CASKIN1: variants seen among roughly 807,000 people sequenced by gnomAD.
CASKIN1 encodes CASK interacting protein 1.
CASKIN1 carries 42 observed loss-of-function variants against 117.5 expected under a neutral mutation model. That is an observed-to-expected ratio of 0.36 (90% CI 0.28 to 0.46). The LOEUF is 0.46. Among genes scored for constraint, CASKIN1 ranks in the 20% least tolerant of loss-of-function variants. CASKIN1 has a pLI of 1.00. For missense variants in CASKIN1, 2,083 were observed against 2,077.3 expected (o/e 1.00, Z -0.05); for synonymous variants, 1,148 against 961.7 (o/e 1.19, Z -3.59).
rs1293200900 is a variant in CASKIN1 at position 2,180,586 on chromosome 16, T to C, written c.2782A>G (p.Lys928Glu). The change falls in exon 18 of 20, where the codon AAG becomes GAG. Residue 928 changes from lysine to glutamate, a missense_variant. By Grantham distance (56) the Lys-to-Glu change is moderately conservative. Transcript: ENST00000343516. ...AAGGACTGGCTGCGGTTGACGTTCTTGTCGGCACCTGCGGGCGCCCTCACT... is the reference window on the plus strand; with the variant it reads ...AAGGACTGGCTGCGGTTGACGTTCTCGTCGGCACCTGCGGGCGCCCTCACT... ...HSVRAPAGAD[K>E]NVNRSQSFAV... 1.9e-6 allele frequency: 3 copies of C among 1,572,230 alleles called. No individual in the cohort carries two copies. Among genetic ancestry groups the C allele is most frequent in the Non-Finnish European group, 2.6e-6 (3 of 1,166,122 alleles).
Position 2,196,407 on chromosome 16 carries a change from T to C in CASKIN1, c.26A>G (p.Gln9Arg). 4 of 1,362,504 alleles carry C rather than the reference T, an allele frequency of 2.9e-6. No homozygotes were observed. The highest frequency in any genetic ancestry group is 2.9e-6 in the Non-Finnish European group (3 of 1,044,158). The allele number at this position is 1,362,504 out of a possible 1,614,324, so 84.4% of individuals were successfully genotyped here. MGKEQELVQAVKAEDVGTA... is the reference protein window; with the variant it reads MGKEQELVRAVKAEDVGTA... ...CCCTACGTCCTCCGCCTTCACCGCCTGCACCAGCTCCTGCTCCTTCCCCAT... is the reference window on the plus strand; with the variant it reads ...CCCTACGTCCTCCGCCTTCACCGCCCGCACCAGCTCCTGCTCCTTCCCCAT... The change falls in exon 1 of 20, where the codon CAG (glutamine) becomes CGG (arginine). Residue 9 changes from glutamine (Q) to arginine (R), a missense_variant. Physicochemically the swap from Gln to Arg is conservative, Grantham distance 43. Transcript: ENST00000343516. The surrounding 1 kb of genome is among the most constrained non-coding windows in gnomAD (Gnocchi z 5.7).
In CASKIN1 at chr16:2,182,300, CAT is replaced by C. The variant is rs1161180409; in HGVS notation, c.1630-373_1630-372del. Among the ~76,000 whole-genome samples, 3 of 152,264 alleles carry C rather than the reference CAT, an allele frequency of 2.0e-5. No individual in the cohort carries two copies. Among genetic ancestry groups the C allele is most frequent in the South Asian group, 2.1e-4 (1 of 4,820 alleles). On this transcript the variant is annotated intron_variant, in intron 16 of 19. Transcript: ENST00000343516. This position sits in a 1 kb window ranked among gnomAD's most constrained non-coding sequence, Gnocchi z 4.1. ...GCCACACCTGGTACAGGAACACGCA[CAT>C]GATTTGCACGCTGCGCTCCCAGCCG...
rs372152995 is a variant in CASKIN1, at chr16:2,185,024, C to T, written c.1251G>A (p.Thr417=). The part of the protein sequence containing the change: ...AGSEGVKLLA[T]VLSQKSVSES... ...CAGAGACGGACTTCTGGGAAAGCAC[C>T]GTTGCCAGGAGCTGCAACCCAGAAA... Residue 417 remains threonine, a synonymous_variant, in exon 13 of 20, where the codon ACG becomes ACA. Coordinates refer to ENST00000343516, the MANE Select transcript of CASKIN1 (RefSeq NM_020764.4). 43 of 1,609,368 alleles carry T rather than the reference C, an allele frequency of 2.7e-5. No individual in the cohort carries two copies. The East Asian group carries it at 3.4e-4, about 13-fold the overall frequency.
rs1446609832 is a variant in CASKIN1, at chr16:2,180,158, G to A, written c.3210C>T (p.Val1070=). The A allele has an allele frequency of 6.4e-7, 1 of 1,553,686 alleles. No individual in the cohort carries two copies. Among genetic ancestry groups the A allele is most frequent in the African/African-American group, 1.4e-5 (1 of 73,226 alleles). ...VNRRRTLSGP[V]TGLLATARRG... ...GGCGGGCAGTGGCCAGAAGTCCGGT[G>A]ACTGGCCCGCTGAGCGTGCGGCGCC... Residue 1070 remains valine, a synonymous_variant, in exon 18 of 20, where the codon GTC becomes GTT. Coordinates refer to ENST00000343516, the MANE Select transcript of CASKIN1 (RefSeq NM_020764.4).
chr16:2,195,496 CCCAT>C (rs1332993443), intron 1 of CASKIN1, among the ~76,000 whole-genome samples: 10 of 152,372 alleles, frequency 6.6e-5, no homozygotes, highest in Middle Eastern at 3.4e-3. Flanking sequence ...GGTCCACACG[CCCAT>C]CCATCCATCT....
rs1418457140 is a variant in CASKIN1 at position 2,181,774 on chromosome 16, T to C, written c.1768+17A>G. 2 of 1,609,862 alleles carry C rather than the reference T, an allele frequency of 1.2e-6. No homozygotes were observed. Among genetic ancestry groups the C allele is most frequent in the Non-Finnish European group, 1.7e-6 (2 of 1,178,396 alleles). The stretch of plus-strand genomic sequence containing the variant: ...TGAGGGTTGGGCTGGGGACGAGGGC[T>C]GGGGCTGGGGCCTCACCCAGCTTGG... On this transcript the variant is annotated intron_variant, in intron 17 of 19. Transcript: ENST00000343516.
chr16:2,180,066 C>A lies in CASKIN1; in HGVS notation c.3302G>T (p.Arg1101Leu). The change falls in exon 18 of 20, where the codon CGG (arginine) becomes CTG (leucine). Residue 1101 changes from arginine to leucine, a missense_variant. Arg to Leu is a moderately radical substitution (Grantham distance 102). Transcript: ENST00000343516. ...ACCCGCCTCGCCCTTGGAGGGACCC[C>A]GAGGCCGCTGCCGGCCAGTGCCATC... is the stretch of plus-strand genomic sequence containing the variant. ...VEDGTGRQRP[R>L]GPSKGEAGVE... The A allele has an allele frequency of 6.3e-7, 1 of 1,579,832 alleles. No individual in the cohort carries two copies. The highest frequency in any genetic ancestry group is 1.1e-5 in the South Asian group (1 of 87,168).
rs1207309421 is a variant in CASKIN1, at chr16:2,178,862, AGCCCCGCCCTCCGCCCGCCAG to A, written c.4199+19_4199+39del. ...TGCCGAGCCCCGCCCATCTCTGCCG[AGCCCCGCCCTCCGCCCGCCAG>A]GCCCCGCCCCGCACCTACCGCGGGC... On this transcript the variant is annotated intron_variant, in intron 19 of 19. Transcript: ENST00000343516. 1.5e-6 allele frequency: 2 copies of A among 1,376,130 alleles called. No homozygotes were observed. Among genetic ancestry groups the A allele is most frequent in the Admixed American group, 3.7e-5 (1 of 27,338 alleles). The allele number at this position is 1,376,130 out of a possible 1,614,324, so 85.2% of individuals were successfully genotyped here. A position where few individuals can be genotyped will look rare whatever the true frequency, so the allele number is the denominator to read the frequency against.
chr16:2,181,059 C>T lies in CASKIN1; in HGVS notation c.2309G>A (p.Gly770Asp). Residue 770 changes from glycine to aspartate, a missense_variant, in exon 18 of 20, where the codon GGC (glycine) becomes GAC (aspartate). Physicochemically the swap from Gly to Asp is moderately conservative, Grantham distance 94. This residue lies in a region of CASKIN1 where 1,818 missense variants were observed against 1,688.9 expected (regional missense o/e 1.08). Transcript: ENST00000343516. The stretch of plus-strand genomic sequence containing the variant: ...CTGGGGGGGCGTGAAGTGGCTAGTG[C>T]CTGGTGGGAGGACCTGCCGTGGCTT... ...PGKPRQVLPP[G>D]TSHFTPPQTP... is the part of the protein sequence containing the mutation. 1 of 1,490,246 alleles carries T rather than the reference C, an allele frequency of 6.7e-7. No homozygotes were observed. The allele number at this position is 1,490,246 out of a possible 1,614,324, so 92.3% of individuals were successfully genotyped here.
At position 2,180,426 on chromosome 16, in the gene CASKIN1, G is replaced by T. The variant is rs761409423; in HGVS notation, c.2942C>A (p.Ala981Glu). Residue 981 changes from alanine (A) to glutamate (E), a missense_variant, in exon 18 of 20, where the codon GCA becomes GAA. Physicochemically the swap from Ala to Glu is moderately radical, Grantham distance 107. This residue lies in a region of CASKIN1 where 1,818 missense variants were observed against 1,688.9 expected (regional missense o/e 1.08). Coordinates refer to ENST00000343516, the MANE Select transcript of CASKIN1 (RefSeq NM_020764.4). ...CAGGTCACTGGCCCGCCGGCACTGT[G>T]CCCGGACCCCCAGCAGGCCATCCTC... is the stretch of plus-strand genomic sequence containing the variant. ...EPEDGLLGVRAQCRRASDLAG... is the reference protein window; with the variant it reads ...EPEDGLLGVREQCRRASDLAG... The T allele has an allele frequency of 3.8e-5, 59 of 1,569,460 alleles. No homozygotes were observed. Among genetic ancestry groups the T allele is most frequent in the Non-Finnish European group, 3.9e-5 (45 of 1,165,130 alleles).
rs1412248459 is a variant in CASKIN1 at position 2,179,782 on chromosome 16, G to C, written c.3586C>G (p.Pro1196Ala). 6.4e-7 allele frequency: 1 copy of C among 1,570,360 alleles called. No individual in the cohort carries two copies. Among genetic ancestry groups the C allele is most frequent in the Non-Finnish European group, 8.6e-7 (1 of 1,162,330 alleles). ...AGPPELPPPPPPAEPPPTDLA... is the reference protein window; with the variant it reads ...AGPPELPPPPAPAEPPPTDLA... Reference sequence around the variant, plus strand: ...TCGGTGGGCGGGGGTTCGGCAGGCGGGGGCGGTGGAGGCAGCTCCGGAGGC... The same window carrying C: ...TCGGTGGGCGGGGGTTCGGCAGGCGCGGGCGGTGGAGGCAGCTCCGGAGGC... The change falls in exon 18 of 20, where the codon CCG becomes GCG. Residue 1196 changes from proline to alanine, a missense_variant. By Grantham distance (27) the Pro-to-Ala change is conservative. Coordinates refer to ENST00000343516, the MANE Select transcript of CASKIN1 (RefSeq NM_020764.4). The surrounding 1 kb of genome is among the most constrained non-coding windows in gnomAD (Gnocchi z 5.8).
chr16:2,179,489 C>G lies in CASKIN1; in HGVS notation c.3775+104G>C. 6 of 1,392,860 alleles carry G rather than the reference C, an allele frequency of 4.3e-6. No homozygotes were observed. The highest frequency in any genetic ancestry group is 3.1e-5 in the South Asian group (2 of 64,362). 86.3% of individuals were successfully genotyped at this position (1,392,860 alleles called of 1,614,324 possible). On this transcript the variant is annotated intron_variant, in intron 18 of 19. Transcript: ENST00000343516. The surrounding 1 kb of genome is among the most constrained non-coding windows in gnomAD (Gnocchi z 5.8). ...GGTCTGGGGACACGTTCCCACCCCA[C>G]CTGGGCTTCCATCAAACCCAAGAAA...
intron 1 of CASKIN1, among the ~76,000 whole-genome samples, chr16:2,195,471 G>T (rs2093213032): frequency 6.6e-6 from 1 of 152,248 alleles, no homozygotes; most frequent in South Asian, 2.1e-4. Context: ...TACGTGCGCA[G>T]CCGCACACGC....
Position 2,181,448 on chromosome 16 carries a change from T to G in CASKIN1, c.1920A>C (p.Thr640=). 1.9e-6 allele frequency: 3 copies of G among 1,611,974 alleles called. No homozygotes were observed. The highest frequency in any genetic ancestry group is 2.5e-6 in the Non-Finnish European group (3 of 1,179,786). Residue 640 remains threonine, a synonymous_variant, in exon 18 of 20, where the codon ACA becomes ACC. Transcript: ENST00000343516. ...TTTTAGGGGACTGGCAGTCGGCCGGTGTGGGCTCAGGCGGGGGCGGCGACT... is the reference window on the plus strand; with the variant it reads ...TTTTAGGGGACTGGCAGTCGGCCGGGGTGGGCTCAGGCGGGGGCGGCGACT... ...AIESPPPPEP[T]PADCQSPKMT... is the part of the protein sequence containing the mutation.
rs2141324516 is a variant in CASKIN1 at position 2,189,255 on chromosome 16, C to T, written c.469G>A (p.Glu157Lys). The T allele has an allele frequency of 6.2e-7, 1 of 1,613,290 alleles. No individual in the cohort carries two copies. The highest frequency in any genetic ancestry group is 8.5e-7 in the Non-Finnish European group (1 of 1,179,924). Residue 157 changes from glutamate to lysine, a missense_variant, in exon 5 of 20, where the codon GAG (glutamate) becomes AAG (lysine). Physicochemically the swap from Glu to Lys is moderately conservative, Grantham distance 56. Around this residue, in one of 3 missense-constraint regions of CASKIN1, gnomAD observed 203 missense variants for 338.7 expected, o/e 0.60. Transcript: ENST00000343516. ...AGACTCACCCCAACGCGGCCGAACT[C>T]GCAGGCCAGGTCCAGGGGCGTCTTC... ...SGKTPLDLAC[E>K]FGRVGVVQLL...
At chr16:2,192,248 G>A (rs1016216345) in intron 1 of CASKIN1, among the ~76,000 whole-genome samples, 12 of 152,042 alleles carry the variant, frequency 7.9e-5, no homozygotes, top group Admixed American at 2.6e-4. Flanking sequence ...GCAGTGAGCC[G>A]GGGTCGCACC....
chr16:2,179,822 G>A lies in CASKIN1; in HGVS notation c.3546C>T (p.Ala1182=). The change falls in exon 18 of 20, where the codon GCC becomes GCT. Residue 1182 remains alanine, a synonymous_variant. Coordinates refer to ENST00000343516, the MANE Select transcript of CASKIN1 (RefSeq NM_020764.4). The surrounding 1 kb of genome is among the most constrained non-coding windows in gnomAD (Gnocchi z 5.8). ...NGTGTVRRRP[A]SEQAGPPELP... is the part of the protein sequence containing the mutation. ...GCTCCGGAGGCCCAGCCTGCTCCGA[G>A]GCCGGTCGGCGGCGCACGGTGCCAG... 1.3e-6 allele frequency: 2 copies of A among 1,593,108 alleles called. No individual in the cohort carries two copies. Among genetic ancestry groups the A allele is most frequent in the Non-Finnish European group, 1.7e-6 (2 of 1,171,980 alleles).
Position 2,181,162 on chromosome 16 carries a change from CG to C in CASKIN1, c.2205del (p.Gly736AlafsTer69). On this transcript the variant is annotated frameshift_variant, in exon 18 of 20. Coordinates refer to ENST00000343516, the MANE Select transcript of CASKIN1 (RefSeq NM_020764.4). LOFTEE classifies it high-confidence loss of function. ...GGCCGGGCCTCCCTGGGCGGGGTGC[CG>C]GGGGCGGGGCCCTCATCCAGGAGGT... ...QEYLLDEGPA[P>X]GTPPREARPG... 6.7e-7 allele frequency: 1 copy of C among 1,500,056 alleles called. No homozygotes were observed. The highest frequency in any genetic ancestry group is 1.4e-5 in the African/African-American group (1 of 71,028). 92.9% of individuals were successfully genotyped at this position (1,500,056 alleles called of 1,614,324 possible).
rs556736415 is a variant in CASKIN1, at chr16:2,178,199, G to A, written c.*351C>T. 101 of 439,474 alleles carry A rather than the reference G, an allele frequency of 2.3e-4. No homozygotes were observed. Among genetic ancestry groups the A allele is most frequent in the African/African-American group, 1.8e-3 (86 of 47,640 alleles). 27.2% of individuals were successfully genotyped at this position (439,474 alleles called of 1,614,324 possible). ...CCTGTCCCTTGTGCTGCGCCCGAGC[G>A]GCTGGCCGGGCGTCCCGATGGGCAG... On this transcript the variant is annotated 3_prime_UTR_variant, in exon 20 of 20. Coordinates refer to ENST00000343516, the MANE Select transcript of CASKIN1 (RefSeq NM_020764.4).
Sources: gnomAD v4.1 joint callset for allele counts (sites outside exome capture counted in the v4.1 genomes callset) on GRCh38, gnomAD v4.1.1 for gene constraint, gnomAD v4.1.1 regional missense constraint, Gnocchi (gnomAD v3.1) non-coding constraint, MANE v1.5 for transcripts, NCBI Gene and HGNC (gene_info 2026-07-23, HGNC 2026-07-21) for gene names.